CFAP61: variants seen among roughly 807,000 people sequenced by gnomAD.
CFAP61 encodes cilia- and flagella-associated protein 61.
In CFAP61, 107 loss-of-function variants were observed where a neutral mutation model predicts 135.6. That is an observed-to-expected ratio of 0.79 (90% CI 0.67 to 0.93). The LOEUF is 0.93. Ranked by LOEUF, CFAP61 falls within the 40% of genes least tolerant of loss-of-function variation. The probability of loss-of-function intolerance (pLI) is 0.00; values close to 1 mark genes in which losing one functional copy is unlikely to be tolerated. For missense variants in CFAP61, 1,507 were observed against 1,556.2 expected, an observed-to-expected ratio of 0.97 and a Z score of 0.53; for synonymous variants, 575 against 578.5, an observed-to-expected ratio of 0.99 and a Z score of 0.09.
chr20:20,178,068 A>C (rs1163129435), intron 13 of CFAP61, among the ~76,000 whole-genome samples: 1 of 151,980 alleles, frequency 6.6e-6, no homozygotes, highest in African/African-American at 2.4e-5. Flanking sequence ...TTCCCTTGGG[A>C]AATTATATTT....
chr20:20,155,969 A>G (rs186939565), intron 9 of CFAP61, among the ~76,000 whole-genome samples: 1 of 152,302 alleles, frequency 6.6e-6, no homozygotes, highest in East Asian at 1.9e-4. Flanking sequence ...CACTTGCACA[A>G]GCATGTTTAT....
chr20:20,156,014 C>T (rs901612856), intron 9 of CFAP61, among the ~76,000 whole-genome samples: 2 of 152,124 alleles, frequency 1.3e-5, no homozygotes, highest in Non-Finnish European at 1.5e-5. Flanking sequence ...AATATGGAAC[C>T]AGACTAAATG....
chr20:20,288,558 G>A (rs115411614), intron 22 of CFAP61, 51 bp from the exon 23 acceptor site: 1 of 1,430,588 alleles, frequency 7.0e-7, no homozygotes, highest in Non-Finnish European at 9.8e-7. Context: ...CTTTTGGGAA[G>A]GTAAAATGAA....
chr20:20,098,162 C>A (rs879248483), intron 7 of CFAP61, among the ~76,000 whole-genome samples: 5 of 152,128 alleles, frequency 3.3e-5, no homozygotes, highest in Admixed American at 3.3e-4. Context: ...CCAGTGGTCA[C>A]TTATTGGGAC....
chr20:20,321,395 T>A (rs1203714853), intron 25 of CFAP61, among the ~76,000 whole-genome samples: 1 of 152,224 alleles, frequency 6.6e-6, no homozygotes, highest in Admixed American at 6.5e-5. Context: ...TAATCATATT[T>A]ATGTCAACAA....
intron 13 of CFAP61, among the ~76,000 whole-genome samples, chr20:20,181,042 C>T (rs1377271334): frequency 1.3e-5 from 2 of 151,772 alleles, no homozygotes; most frequent in African/African-American, 2.4e-5. Flanking sequence ...GATCAGGAAA[C>T]ATAATTAATG....
intron 12 of CFAP61, among the ~76,000 whole-genome samples, chr20:20,168,897 TATC>T (rs1396128655): frequency 6.6e-6 from 1 of 152,110 alleles, no homozygotes; most frequent in African/African-American, 2.4e-5. Context: ...ATGCCTGAAG[TATC>T]ATCCTCCCAT....
At chr20:20,311,227 T>C (rs1335654891) in intron 25 of CFAP61, among the ~76,000 whole-genome samples, 1 of 152,178 alleles carries the variant, frequency 6.6e-6, no homozygotes, top group Admixed American at 6.5e-5. Context: ...TGTATTTATA[T>C]CTACTACCAG....
intron 8 of CFAP61, among the ~76,000 whole-genome samples, chr20:20,110,775 G>A (rs1008146820): frequency 1.3e-5 from 2 of 152,132 alleles, no homozygotes; most frequent in African/African-American, 4.8e-5. Flanking sequence ...CTCCAAGCAC[G>A]AGGCCCATAC....
intron 26 of CFAP61, among the ~76,000 whole-genome samples, chr20:20,345,491 A>T (rs1220586654): frequency 1.3e-5 from 2 of 152,228 alleles, no homozygotes; most frequent in Non-Finnish European, 2.9e-5. Context: ...ATACAAGTTC[A>T]ATCCCATTAA....
chr20:20,085,308 T>TG, intron 6 of CFAP61: 2 of 985,432 alleles, frequency 2.0e-6, no homozygotes, highest in Non-Finnish European at 2.4e-6. Context: ...TTTGTTTCTG[T>TG]GGGGCTGGAC....
intron 23 of CFAP61, among the ~76,000 whole-genome samples, chr20:20,289,713 G>T (rs2054865497): frequency 6.6e-6 from 1 of 152,200 alleles, no homozygotes; most frequent in East Asian, 1.9e-4. Context: ...ACAAGGTCTT[G>T]CTCTGCTTCT....
At chr20:20,277,603 T>G in intron 22 of CFAP61, 145 bp downstream of exon 22, 1 of 813,102 alleles carries the variant, frequency 1.2e-6, no homozygotes, top group Non-Finnish European at 1.9e-6. Flanking sequence ...TACCTCTTGC[T>G]GGGTAACAAC....
At chr20:20,086,686 A>G (rs777773845) in intron 6 of CFAP61, among the ~76,000 whole-genome samples, 14 of 152,154 alleles carry the variant, frequency 9.2e-5, no homozygotes, top group Non-Finnish European at 2.1e-4. Flanking sequence ...AGCACAAGGT[A>G]AGGGCCCAGT....
chr20:20,055,885 G>A, intron 1 of CFAP61: 1 of 1,263,078 alleles, frequency 7.9e-7, no homozygotes, highest in Non-Finnish European at 1.2e-6. Flanking sequence ...GAGGGAAAGA[G>A]AGAAGAGAGA....
intron 18 of CFAP61, among the ~76,000 whole-genome samples, chr20:20,231,983 A>G (rs6046743): frequency 0.021 from 3,213 of 152,020 alleles, 111 homozygotes; most frequent in African/African-American, 0.072. Flanking sequence ...CTCGGACACT[A>G]TGATGTCACA....
intron 21 of CFAP61, among the ~76,000 whole-genome samples, chr20:20,275,085 A>G (rs1327907): frequency 0.55 from 83,914 of 151,996 alleles, 23,602 homozygotes; most frequent in Middle Eastern, 0.72. Flanking sequence ...TGATGTGGGC[A>G]GAGGCTTGAC....
rs1049235687 is a variant in CFAP61 at position 20,091,111 on chromosome 20, C to T, written c.699+135C>T. 1.1e-5 allele frequency: 11 copies of T among 977,496 alleles called. No individual in the cohort carries two copies. In the Admixed American group the frequency reaches 1.8e-4, roughly 16 times the overall value. The allele number at this position is 977,496 out of a possible 1,614,324, so 60.6% of individuals were successfully genotyped here. A position where few individuals can be genotyped will look rare whatever the true frequency, so the allele number is the denominator to read the frequency against. ...CACCCCGGCCCTCCCACTGCCCTTC[C>T]AGGTGGTGCACCAGGCCAGCTTCCT... On this transcript the variant is annotated intron_variant, in intron 7 of 26. Transcript: ENST00000245957.
Position 20,056,798 on chromosome 20 carries a change from T to C in CFAP61, c.143+2T>C, listed in dbSNP as rs773501222. On this transcript the variant is annotated splice_donor_variant, in intron 2 of 26. Coordinates refer to ENST00000245957, the MANE Select transcript of CFAP61 (RefSeq NM_015585.4). LOFTEE classifies it high-confidence loss of function. ...GAAGCTAAATATCATCTATCTTCTG[T>C]AAGTAGATAACTAAGTTCAAGAATG... 2 of 1,613,510 alleles carry C rather than the reference T, an allele frequency of 1.2e-6. No homozygotes were observed. The highest frequency in any genetic ancestry group is 3.3e-5 in the Admixed American group (2 of 60,012).
Sources: allele counts gnomAD v4.1 joint callset (sites outside exome capture counted in the v4.1 genomes callset), GRCh38; gene constraint gnomAD v4.1.1; transcripts MANE v1.5; gene names NCBI Gene and HGNC (gene_info 2026-07-23, HGNC 2026-07-21).